PCDHA10: variants seen among roughly 807,000 people sequenced by gnomAD.
PCDHA10 encodes protocadherin alpha-10.
Under a neutral mutation model 61.2 loss-of-function variants are expected in PCDHA10, and 45 were observed. The ratio of observed to expected loss-of-function variants is 0.74; its 90% CI spans 0.58 to 0.94. The LOEUF is 0.94. Ranked by LOEUF, PCDHA10 falls within the 40% of genes least tolerant of loss-of-function variation. The pLI, the probability that PCDHA10 is intolerant of heterozygous loss-of-function variation, is 0.00. For missense variants in PCDHA10, 1,278 were observed against 1,236.2 expected (o/e 1.03, Z -0.51); for synonymous variants, 602 against 548.8 (o/e 1.10, Z -1.35).
intron 1 of PCDHA10, among the ~76,000 whole-genome samples, chr5:140,878,601 T>A (rs1409343825): frequency 6.6e-6 from 1 of 152,224 alleles, no homozygotes; most frequent in African/African-American, 2.4e-5. Flanking sequence ...ACCAAGTGAA[T>A]CTTCTAATGT....
intron 3 of PCDHA10, among the ~76,000 whole-genome samples, chr5:141,004,848 CAG>C (rs1554259777): frequency 6.6e-6 from 1 of 152,190 alleles, no homozygotes; most frequent in Non-Finnish European, 1.5e-5. Context: ...TCATTAGTCT[CAG>C]AGAAAAAATT....
At position 140,869,619 on chromosome 5, in the gene PCDHA10, A is replaced by G. The variant is rs369497274; in HGVS notation, c.2388+11183A>G. On this transcript the variant is annotated intron_variant, in intron 1 of 3. Transcript: ENST00000307360. ...AGAATGCTCTATTGACCTACAGGCT[A>G]AGTAAAAATGAGTATTTTTCTTTAG... The G allele has an allele frequency of 6.6e-5, 106 of 1,613,784 alleles. 2 individuals carry two copies. The Middle Eastern group carries it at 4.9e-3, about 75-fold the overall frequency.
Position 141,009,850 on chromosome 5 carries a change from C to CAAGAAAAAG in PCDHA10, c.2775_2783dup (p.Lys926_Lys928dup). ...TAACCTTCGGCAAAAAGGAGGAGAC[C>CAAGAAAAAG]AAGAAAAAGAAGAAAAAGAAGAAGG... On this transcript the variant is annotated inframe_insertion, in exon 4 of 4. Coordinates refer to ENST00000307360, the MANE Select transcript of PCDHA10 (RefSeq NM_018901.4). The CAAGAAAAAG allele has an allele frequency of 1.2e-6, 2 of 1,613,572 alleles. No individual in the cohort carries two copies. Among genetic ancestry groups the CAAGAAAAAG allele is most frequent in the Non-Finnish European group, 1.7e-6 (2 of 1,179,906 alleles).
intron 1 of PCDHA10, among the ~76,000 whole-genome samples, chr5:140,900,125 G>A (rs2067765908): frequency 6.6e-6 from 1 of 152,056 alleles, no homozygotes; most frequent in South Asian, 2.1e-4. Context: ...TTGATTTTTA[G>A]GTACCACAAA....
At chr5:140,883,623 C>T (rs782045250) in intron 1 of PCDHA10, 3 of 1,613,988 alleles carry the variant, frequency 1.9e-6, no homozygotes, top group East Asian at 4.5e-5. Context: ...AACGACAACG[C>T]GCCGGCGTTC....
intron 1 of PCDHA10, among the ~76,000 whole-genome samples, chr5:140,904,491 T>G (rs2071172626): frequency 6.6e-6 from 1 of 151,972 alleles, no homozygotes; most frequent in Non-Finnish European, 1.5e-5. Context: ...TGATTCCAAA[T>G]TTTTACAATT....
chr5:140,946,574 G>A (rs246054), intron 1 of PCDHA10, among the ~76,000 whole-genome samples: 79,382 of 143,554 alleles, frequency 0.55, 22,609 homozygotes, highest in African/African-American at 0.68. Context: ...AATCAACTTA[G>A]GTGTTCATAG....
At chr5:140,889,273 T>C (rs1307102398) in intron 1 of PCDHA10, among the ~76,000 whole-genome samples, 3 of 152,054 alleles carry the variant, frequency 2.0e-5, no homozygotes, top group Admixed American at 6.5e-5. Flanking sequence ...GTATAATCTT[T>C]GAATTACTTC....
Position 140,978,996 on chromosome 5 carries a change from A to T in PCDHA10, c.2436A>T (p.Ala812=), listed in dbSNP as rs2096831053. The change falls in exon 2 of 4, where the codon GCA becomes GCT. Residue 812 remains alanine, a synonymous_variant. Coordinates refer to ENST00000307360, the MANE Select transcript of PCDHA10 (RefSeq NM_018901.4). ...GGCGTTACTCTGCCTCCCTGAGAGC[A>T]GGCATGCACAGGTATGTATTTCCCT... ...PDWRYSASLR[A]GMHSSVHLEE... 1 of 1,614,186 alleles carries T rather than the reference A, an allele frequency of 6.2e-7. No individual in the cohort carries two copies.
At chr5:140,968,346 C>A in intron 1 of PCDHA10, 2 of 1,614,090 alleles carry the variant, frequency 1.2e-6, no homozygotes, top group Non-Finnish European at 1.7e-6. Context: ...ATTAACAGTG[C>A]CAGTGGCAGC....
intron 1 of PCDHA10, among the ~76,000 whole-genome samples, chr5:140,895,700 A>G (rs2065117583): frequency 6.6e-6 from 1 of 152,022 alleles, no homozygotes; most frequent in Non-Finnish European, 1.5e-5. Context: ...ATATTAATTC[A>G]CTTGGGATAA....
In PCDHA10 at chr5:140,885,617, T is replaced by C. The variant is rs182455292; in HGVS notation, c.2388+27181T>C. Among the ~76,000 whole-genome samples, 20 of 152,288 alleles carry C rather than the reference T, an allele frequency of 1.3e-4. No individual in the cohort carries two copies. The East Asian group carries it at 3.7e-3, about 28-fold the overall frequency. The stretch of plus-strand genomic sequence containing the variant: ...GATATTAATAATTTTAATTATAAAA[T>C]ATGTCACTGGATTGCCTTCCAAGTA... On this transcript the variant is annotated intron_variant, in intron 1 of 3. Coordinates refer to ENST00000307360, the MANE Select transcript of PCDHA10 (RefSeq NM_018901.4).
intron 1 of PCDHA10, chr5:140,864,637 A>G (rs1554159030): frequency 6.6e-6 from 1 of 152,220 alleles, no homozygotes; most frequent in East Asian, 1.9e-4. Flanking sequence ...AAACAAAACA[A>G]AACAATGTCA....
chr5:140,871,002 G>C, intron 1 of PCDHA10: 1 of 1,613,384 alleles, frequency 6.2e-7, no homozygotes, highest in Non-Finnish European at 8.5e-7. Context: ...TAAGCACAAC[G>C]CGTGCCCTGG....
At chr5:140,956,141 C>A (rs1181002106) in intron 1 of PCDHA10, among the ~76,000 whole-genome samples, 2 of 152,122 alleles carry the variant, frequency 1.3e-5, no homozygotes, top group Non-Finnish European at 2.9e-5. Context: ...CCCTTTATTT[C>A]TTTCTCTTTC....
In PCDHA10 at chr5:140,858,038, G is replaced by A; in HGVS notation, c.1990G>A (p.Val664Met). The change falls in exon 1 of 4, where the codon GTG becomes ATG. Residue 664 changes from valine to methionine, a missense_variant. Coordinates refer to ENST00000307360, the MANE Select transcript of PCDHA10 (RefSeq NM_018901.4). ...GEPSLTATAT[V>M]LVSLVEGSQA... ...GCCGTCGCTGACGGCCACGGCCACT[G>A]TGCTTGTGTCGCTTGTGGAGGGCAG... is the stretch of plus-strand genomic sequence containing the variant. The A allele has an allele frequency of 6.3e-7, 1 of 1,596,684 alleles. No individual in the cohort carries two copies. The highest frequency in any genetic ancestry group is 2.2e-5 in the East Asian group (1 of 44,824).
At chr5:140,953,545 C>A (rs551898012) in intron 1 of PCDHA10, among the ~76,000 whole-genome samples, 1 of 152,204 alleles carries the variant, frequency 6.6e-6, no homozygotes, top group Admixed American at 6.5e-5. Context: ...CATGCTGATT[C>A]TTTTCTCCAA....
Position 140,857,380 on chromosome 5 carries a change from G to A in PCDHA10, c.1332G>A (p.Val444=), listed in dbSNP as rs138042594. 5.0e-6 allele frequency: 8 copies of A among 1,598,488 alleles called. No individual in the cohort carries two copies. The highest frequency in any genetic ancestry group is 1.7e-4 in the Middle Eastern group (1 of 5,966). ...LWATASVSVE[V]ADVNDNAPAF... ...CCACGGCCAGCGTGTCTGTGGAGGT[G>A]GCCGACGTGAACGACAACGCGCCTG... is the stretch of plus-strand genomic sequence containing the variant. The change falls in exon 1 of 4, where the codon GTG becomes GTA. Residue 444 remains valine, a synonymous_variant. Coordinates refer to ENST00000307360, the MANE Select transcript of PCDHA10 (RefSeq NM_018901.4).
intron 1 of PCDHA10, among the ~76,000 whole-genome samples, chr5:140,881,170 T>C (rs1442098863): frequency 1.3e-5 from 2 of 152,246 alleles, no homozygotes; most frequent in Non-Finnish European, 1.5e-5. Flanking sequence ...CCTCTTCCTC[T>C]TTTCCTTGCT....
Sources: allele counts gnomAD v4.1 joint callset (sites outside exome capture counted in the v4.1 genomes callset), GRCh38; gene constraint gnomAD v4.1.1; transcripts MANE v1.5; gene names NCBI Gene and HGNC (gene_info 2026-07-23, HGNC 2026-07-21).